The following LEF1 variants were observed in gnomAD, a reference collection of about 807,000 sequenced individuals.
LEF1 encodes the protein lymphoid enhancer-binding factor 1.
LEF1 carries 14 observed loss-of-function variants against 51.2 expected under a neutral mutation model. The observed-to-expected ratio is 0.27, with a 90% CI of 0.18 to 0.43. The LOEUF (loss-of-function observed/expected upper bound fraction) is 0.43, where lower values mean the gene tolerates loss of function less well. Ranked by LOEUF, LEF1 falls within the 20% of genes least tolerant of loss-of-function variation. The pLI is 1.00. For synonymous variants in LEF1, 185 were observed against 183.2 expected, an observed-to-expected ratio of 1.01 and a Z score of -0.08; for missense variants, 386 against 512.0, an observed-to-expected ratio of 0.75 and a Z score of 2.37.
chr4:108,103,733 TCTC>T (rs1740968638), intron 3 of LEF1, among the ~76,000 whole-genome samples: 2 of 152,218 alleles, frequency 1.3e-5, no homozygotes, highest in South Asian at 2.1e-4. Flanking sequence ...AATTTTTCCT[TCTC>T]CTCTTACTAC....
In LEF1 at chr4:108,048,469, C is replaced by A; in HGVS notation, c.*289G>T. On this transcript the variant is annotated 3_prime_UTR_variant, in exon 12 of 12. Transcript: ENST00000265165. Reference sequence around the variant, plus strand: ...AGCTGCTCAGCTGCCCCACAGCCTGCTAGCATTCTCATGTGCTTTTACATT... The same window carrying A: ...AGCTGCTCAGCTGCCCCACAGCCTGATAGCATTCTCATGTGCTTTTACATT... The A allele has an allele frequency of 1.0e-5, 4 of 384,892 alleles. No homozygotes were observed. Among genetic ancestry groups the A allele is most frequent in the African/African-American group, 2.1e-5 (1 of 48,738 alleles). The allele number at this position is 384,892 out of a possible 1,614,324, so 23.8% of individuals were successfully genotyped here. A position where few individuals can be genotyped will look rare whatever the true frequency, so the allele number is the denominator to read the frequency against.
chr4:108,064,653 ACT>A lies in LEF1; in HGVS notation c.1117-271_1117-270del, dbSNP rs1257144690. Among the ~76,000 whole-genome samples, 190 of 97,312 alleles carry A rather than the reference ACT, an allele frequency of 2.0e-3. 1 individual carries two copies. Among genetic ancestry groups the A allele is most frequent in the African/African-American group, 0.01 (183 of 17,930 alleles). The allele number at this position is 97,312 out of a possible 152,430, so 63.8% of individuals were successfully genotyped here. On this transcript the variant is annotated intron_variant, in intron 9 of 11. Coordinates refer to ENST00000265165, the MANE Select transcript of LEF1 (RefSeq NM_016269.5). Reference sequence around the variant, plus strand: ...CACTTTGTCTCTCTCTCTCTCTCTCACTCACACACACACACACACACACACAC... The same window carrying A: ...CACTTTGTCTCTCTCTCTCTCTCTCACACACACACACACACACACACACAC...
intron 1 of LEF1, chr4:108,166,683 G>C: frequency 1.0e-6 from 1 of 998,880 alleles, no homozygotes; most frequent in Non-Finnish European, 1.2e-6. Flanking sequence ...CAGCGGGCCA[G>C]AAGACCCGAT....
At chr4:108,099,657 G>A (rs1740680484) in intron 3 of LEF1, among the ~76,000 whole-genome samples, 1 of 140,484 alleles carries the variant, frequency 7.1e-6, no homozygotes, top group South Asian at 2.3e-4. Flanking sequence ...TGCAGAACAT[G>A]CAGGTTTGTT....
chr4:108,070,707 G>A lies in LEF1; in HGVS notation c.1072C>T (p.Leu358=). 1.2e-6 allele frequency: 2 copies of A among 1,614,052 alleles called. No homozygotes were observed. The highest frequency in any genetic ancestry group is 1.7e-6 in the Non-Finnish European group (2 of 1,179,940). ...CAGCCTGGATAAAGCTGCATATGTA[G>A]CTGTCTTTCTTTCCGTGCTAATTCA... ...YYELARKERQ[L]HMQLYPGWSA... Residue 358 remains leucine, a synonymous_variant, in exon 9 of 12, where the codon CTA becomes TTA. Coordinates refer to ENST00000265165, the MANE Select transcript of LEF1 (RefSeq NM_016269.5).
At chr4:108,166,873 G>A (rs1415446838) in intron 1 of LEF1, 1 of 954,236 alleles carries the variant, frequency 1.0e-6, no homozygotes, top group Non-Finnish European at 1.2e-6. Context: ...GTGTACCCTT[G>A]CGGTGGGTCG....
At chr4:108,131,705 A>G (rs1742909285) in intron 3 of LEF1, among the ~76,000 whole-genome samples, 1 of 152,204 alleles carries the variant, frequency 6.6e-6, no homozygotes, top group Non-Finnish European at 1.5e-5. Flanking sequence ...TTGGAAACAT[A>G]ACTTTTTTTT....
intron 3 of LEF1, among the ~76,000 whole-genome samples, chr4:108,110,692 C>T (rs1460088704): frequency 1.3e-5 from 2 of 152,190 alleles, no homozygotes; most frequent in Non-Finnish European, 2.9e-5. Context: ...AACCTCGACC[C>T]TGCTCCCTTC....
At chr4:108,104,282 G>A (rs1184311682) in intron 3 of LEF1, among the ~76,000 whole-genome samples, 3 of 151,814 alleles carry the variant, frequency 2.0e-5, no homozygotes, top group Non-Finnish European at 4.4e-5. Flanking sequence ...ACTGCTAACA[G>A]ATACCGGGTT....
intron 3 of LEF1, among the ~76,000 whole-genome samples, chr4:108,120,225 C>A (rs1191789739): frequency 2.0e-5 from 3 of 151,950 alleles, no homozygotes; most frequent in Non-Finnish European, 4.4e-5. Context: ...GAGATGGGGT[C>A]TCGCTTTGTT....
chr4:108,057,647 A>G (rs1484103850), intron 11 of LEF1, among the ~76,000 whole-genome samples: 1 of 152,076 alleles, frequency 6.6e-6, no homozygotes, highest in Non-Finnish European at 1.5e-5. Context: ...CACAGGACCC[A>G]GGAGCCCCAA....
At chr4:108,149,088 T>C (rs973459190) in intron 3 of LEF1, among the ~76,000 whole-genome samples, 1 of 152,196 alleles carries the variant, frequency 6.6e-6, no homozygotes, top group African/African-American at 2.4e-5. Flanking sequence ...TCATGAATAG[T>C]TTGTCAAAAC....
chr4:108,147,808 G>C (rs1744092675), intron 3 of LEF1, among the ~76,000 whole-genome samples: 1 of 152,150 alleles, frequency 6.6e-6, no homozygotes, highest in South Asian at 2.1e-4. Context: ...TAAAGTACTT[G>C]TGAGTAAAGA....
At chr4:108,107,243 T>G (rs1428952086) in intron 3 of LEF1, among the ~76,000 whole-genome samples, 1 of 151,662 alleles carries the variant, frequency 6.6e-6, no homozygotes. Flanking sequence ...ATAGAATTTA[T>G]AAGCAGAGAG....
At chr4:108,076,014 G>C (rs1179312893) in intron 8 of LEF1, among the ~76,000 whole-genome samples, 1 of 73,386 alleles carries the variant, frequency 1.4e-5, no homozygotes, top group Non-Finnish European at 3.2e-5. Context: ...CAAAGGCCTT[G>C]CTGTAGCTCC....
At chr4:108,155,666 C>A (rs17038688) in intron 3 of LEF1, among the ~76,000 whole-genome samples, 41,399 of 152,116 alleles carry the variant, frequency 0.27, 6,504 homozygotes, top group East Asian at 0.64. Flanking sequence ...AGCGCTTTTG[C>A]AGGCTTTGTG....
chr4:108,058,825 C>G (rs1387946779), intron 11 of LEF1, among the ~76,000 whole-genome samples: 1 of 152,184 alleles, frequency 6.6e-6, no homozygotes, highest in Non-Finnish European at 1.5e-5. Context: ...TCGTGACTTA[C>G]AGCAGTCCTC....
chr4:108,149,728 C>T (rs1744251766), intron 3 of LEF1, among the ~76,000 whole-genome samples: 1 of 150,766 alleles, frequency 6.6e-6, no homozygotes, highest in African/African-American at 2.4e-5. Context: ...TAAAGATGAG[C>T]ACACGTAATA....
At chr4:108,141,093 G>GTA (rs954407373) in intron 3 of LEF1, among the ~76,000 whole-genome samples, 18 of 152,338 alleles carry the variant, frequency 1.2e-4, no homozygotes, top group African/African-American at 4.3e-4. Context: ...GTTAGCAGTA[G>GTA]TATGTACTCC....
Sources: allele counts gnomAD v4.1 joint callset (sites outside exome capture counted in the v4.1 genomes callset), GRCh38; gene constraint gnomAD v4.1.1; transcripts MANE v1.5; gene names NCBI Gene and HGNC (gene_info 2026-07-23, HGNC 2026-07-21).